Variants in SREK1IP1 observed in about 807,000 individuals in gnomAD.
SREK1IP1 encodes the protein protein SREK1IP1.
SREK1IP1 carries 12 observed loss-of-function variants against 22.8 expected under a neutral mutation model. The ratio of observed to expected loss-of-function variants is 0.53; its 90% CI spans 0.34 to 0.85. SREK1IP1 has a LOEUF of 0.85. Ranked by LOEUF, SREK1IP1 falls within the 40% of genes least tolerant of loss-of-function variation. The pLI, the probability that SREK1IP1 is intolerant of heterozygous loss-of-function variation, is 0.02. For synonymous variants in SREK1IP1, 53 were observed against 52.7 expected, an observed-to-expected ratio of 1.01 and a Z score of -0.02; for missense variants, 147 against 171.8, an observed-to-expected ratio of 0.86 and a Z score of 0.81.
chr5:64,762,184 C>T (rs577811274), intron 1 of SREK1IP1, among the ~76,000 whole-genome samples: 20 of 152,230 alleles, frequency 1.3e-4, no homozygotes, highest in African/African-American at 4.8e-4. Flanking sequence ...GGAAGCCTGA[C>T]ATTTTCATTA....
chr5:64,726,563 G>A (rs992163047), intron 4 of SREK1IP1, among the ~76,000 whole-genome samples: 3 of 145,652 alleles, frequency 2.1e-5, no homozygotes, highest in South Asian at 2.2e-4. Context: ...GCAACAGAGC[G>A]AGACTCTGTC....
intron 2 of SREK1IP1, among the ~76,000 whole-genome samples, chr5:64,747,836 G>A (rs1742666712): frequency 6.6e-6 from 1 of 152,094 alleles, no homozygotes; most frequent in African/African-American, 2.4e-5. Flanking sequence ...GCTGAAGCAA[G>A]AGAATTGCTT....
At chr5:64,742,356 C>A (rs189771036) in intron 2 of SREK1IP1, among the ~76,000 whole-genome samples, 22 of 152,168 alleles carry the variant, frequency 1.4e-4, no homozygotes, top group Middle Eastern at 3.4e-3. Context: ...TTCTTAACAA[C>A]CGAGAACAGT....
chr5:64,727,454 CATAT>C (rs10649215), intron 4 of SREK1IP1, among the ~76,000 whole-genome samples: 15 of 140,956 alleles, frequency 1.1e-4, no homozygotes, highest in Admixed American at 2.1e-4. Context: ...CATCAGCCAC[CATAT>C]ATATATATAT....
At chr5:64,741,388 T>G (rs1742549657) in intron 2 of SREK1IP1, among the ~76,000 whole-genome samples, 188 bp from the exon 3 acceptor site, 1 of 152,186 alleles carries the variant, frequency 6.6e-6, no homozygotes, top group African/African-American at 2.4e-5. Context: ...AATGCAATAC[T>G]CAGAAAGAAC....
At chr5:64,751,568 T>C (rs1278856319) in intron 2 of SREK1IP1, among the ~76,000 whole-genome samples, 2 of 152,226 alleles carry the variant, frequency 1.3e-5, no homozygotes, top group East Asian at 3.8e-4. Context: ...GGGGCCAGAA[T>C]GTTCTTCACT....
rs767854725 is a variant in SREK1IP1 at position 64,741,165 on chromosome 5, G to A, written c.97C>T (p.Arg33Ter). Residue 33 changes from arginine to a stop codon, truncating the protein, a stop_gained, in exon 3 of 5, where the codon CGA (arginine) becomes TGA (stop). Transcript: ENST00000513458. LOFTEE classifies it high-confidence loss of function. Reference sequence around the variant, plus strand: ...ACTATGTCCCTTTTAGGGTCTACTCGGAGAAAATTGCGGCATTCAAAAGTC... The same window carrying A: ...ACTATGTCCCTTTTAGGGTCTACTCAGAGAAAATTGCGGCATTCAAAAGTC... ...HLTFECRNFL[R>*]VDPKRDIVLD... The A allele has an allele frequency of 1.6e-5, 25 of 1,611,336 alleles. No homozygotes were observed. Among genetic ancestry groups the A allele is most frequent in the South Asian group, 4.4e-5 (4 of 90,730 alleles).
chr5:64,719,626 C>T lies in SREK1IP1; in HGVS notation c.*4758G>A, dbSNP rs899778451. ...CTGGCACCATTCTACTTTTGTTGCT[C>T]ATGGCCAAGGACTATAAATGGCACA... is the stretch of plus-strand genomic sequence containing the variant. On this transcript the variant is annotated 3_prime_UTR_variant, in exon 5 of 5. Coordinates refer to ENST00000513458, the MANE Select transcript of SREK1IP1 (RefSeq NM_173829.4). 3 of 152,152 alleles carry T rather than the reference C, an allele frequency of 2.0e-5. No individual in the cohort carries two copies. The highest frequency in any genetic ancestry group is 7.2e-5 in the African/African-American group (3 of 41,452). 9.4% of individuals were successfully genotyped at this position (152,152 alleles called of 1,614,324 possible). A position where few individuals can be genotyped will look rare whatever the true frequency, so the allele number is the denominator to read the frequency against.
At chr5:64,749,301 A>G (rs1472637287) in intron 2 of SREK1IP1, among the ~76,000 whole-genome samples, 1 of 152,148 alleles carries the variant, frequency 6.6e-6, no homozygotes, top group African/African-American at 2.4e-5. Context: ...CTCAGATTTG[A>G]GAACACACAA....
Position 64,721,972 on chromosome 5 carries a change from GTAGT to G in SREK1IP1, c.*2408_*2411del, listed in dbSNP as rs1742170836. 6.6e-6 allele frequency: 1 copy of G among 152,092 alleles called. No homozygotes were observed. 9.4% of individuals were successfully genotyped at this position (152,092 alleles called of 1,614,324 possible). A position where few individuals can be genotyped will look rare whatever the true frequency, so the allele number is the denominator to read the frequency against. On this transcript the variant is annotated 3_prime_UTR_variant, in exon 5 of 5. Coordinates refer to ENST00000513458, the MANE Select transcript of SREK1IP1 (RefSeq NM_173829.4). ...AGTGACTTTGTTCAAGATCATACAG[GTAGT>G]TAGAATGACCAGGACTGTTTTACTG...
intron 1 of SREK1IP1, among the ~76,000 whole-genome samples, chr5:64,759,574 C>A (rs550719045): frequency 6.6e-6 from 1 of 151,946 alleles, no homozygotes; most frequent in Non-Finnish European, 1.5e-5. Context: ...TCAAAAGACA[C>A]GTGGAAACTT....
chr5:64,750,991 G>C (rs968236420), intron 2 of SREK1IP1, among the ~76,000 whole-genome samples: 4 of 152,082 alleles, frequency 2.6e-5, no homozygotes, highest in African/African-American at 9.7e-5. Flanking sequence ...GAAATTTCTT[G>C]AAAATGGAGA....
In SREK1IP1 at chr5:64,728,062, A is replaced by G. The variant is rs752357967; in HGVS notation, c.278+45T>C. 1.3e-4 allele frequency: 152 copies of G among 1,198,138 alleles called. 2 individuals are homozygous for G. The highest frequency in any genetic ancestry group is 1.5e-4 in the Non-Finnish European group (142 of 934,620). The allele number at this position is 1,198,138 out of a possible 1,614,324, so 74.2% of individuals were successfully genotyped here. ...AATAAAATTTTATAATCCATCCTAAACTCATAGGCCTGCTTTGTTTTTTAA... is the reference window on the plus strand; with the variant it reads ...AATAAAATTTTATAATCCATCCTAAGCTCATAGGCCTGCTTTGTTTTTTAA... On this transcript the variant is annotated intron_variant, in intron 4 of 4. Coordinates refer to ENST00000513458, the MANE Select transcript of SREK1IP1 (RefSeq NM_173829.4).
chr5:64,754,273 A>G, intron 2 of SREK1IP1, 42 bp downstream of exon 2: 1 of 1,591,966 alleles, frequency 6.3e-7, no homozygotes, highest in Non-Finnish European at 8.6e-7. Flanking sequence ...CCATGATTCC[A>G]GTATGAATAA....
intron 2 of SREK1IP1, among the ~76,000 whole-genome samples, chr5:64,749,065 A>C (rs1021507751): frequency 2.5e-4 from 22 of 87,032 alleles, no homozygotes; most frequent in Admixed American, 1.4e-3. Flanking sequence ...GCCACATAAT[A>C]ATAATAATAA....
chr5:64,747,705 G>C (rs1742664252), intron 2 of SREK1IP1, among the ~76,000 whole-genome samples: 1 of 152,014 alleles, frequency 6.6e-6, no homozygotes, highest in African/African-American at 2.4e-5. Flanking sequence ...GAGGTGGGTG[G>C]ATCACGAGGT....
chr5:64,764,454 G>A (rs1403727693), intron 1 of SREK1IP1, among the ~76,000 whole-genome samples: 2 of 152,182 alleles, frequency 1.3e-5, no homozygotes, highest in Non-Finnish European at 2.9e-5. Context: ...GCACTTGAGA[G>A]GTTCACAGAA....
In SREK1IP1 at chr5:64,718,660, C is replaced by T. The variant is rs191575238; in HGVS notation, c.*5724G>A. On this transcript the variant is annotated 3_prime_UTR_variant, in exon 5 of 5. Transcript: ENST00000513458. Reference sequence around the variant, plus strand: ...AAACAAATGAGTTCTCTGGTCCCACCTAATGCTATCACATTAATACCACCT... The same window carrying T: ...AAACAAATGAGTTCTCTGGTCCCACTTAATGCTATCACATTAATACCACCT... The T allele has an allele frequency of 6.6e-6, 1 of 152,016 alleles. No individual in the cohort carries two copies. Among genetic ancestry groups the T allele is most frequent in the Non-Finnish European group, 1.5e-5 (1 of 67,968 alleles). The allele number at this position is 152,016 out of a possible 1,614,324, so 9.4% of individuals were successfully genotyped here. A position where few individuals can be genotyped will look rare whatever the true frequency, so the allele number is the denominator to read the frequency against.
At chr5:64,767,540 A>C (rs1380214814) in intron 1 of SREK1IP1, among the ~76,000 whole-genome samples, 1 of 152,242 alleles carries the variant, frequency 6.6e-6, no homozygotes, top group African/African-American at 2.4e-5. Flanking sequence ...AATAACAGCT[A>C]TCTGTAGAAG....
Sources: gnomAD v4.1 joint callset for allele counts (sites outside exome capture counted in the v4.1 genomes callset) on GRCh38, gnomAD v4.1.1 for gene constraint, MANE v1.5 for transcripts, NCBI Gene and HGNC (gene_info 2026-07-23, HGNC 2026-07-21) for gene names.